The following RGSL1 variants were observed in gnomAD, a reference collection of about 807,000 sequenced individuals.
RGSL1 encodes the protein regulator of G protein signaling protein-like.
In RGSL1, 97 loss-of-function variants were observed where a neutral mutation model predicts 124.7. The ratio of observed to expected loss-of-function variants is 0.78; its 90% CI spans 0.66 to 0.92. The LOEUF is 0.92. Among genes scored for constraint, RGSL1 ranks in the 40% least tolerant of loss-of-function variants. RGSL1 has a pLI of 0.00. For missense variants in RGSL1, 1,233 were observed against 1,288.4 expected (o/e 0.96, Z 0.66); for synonymous variants, 424 against 438.1 (o/e 0.97, Z 0.40).
rs1659029455 is a variant in RGSL1 at position 182,529,796 on chromosome 1, T to TA, written c.2126-447dup. On this transcript the variant is annotated intron_variant, in intron 11 of 21. Transcript: ENST00000294854. ...AGAGTGTCCAGATCCTATCTTTGAT[T>TA]ATTTTCAAGTCTCATTAATGAACAC... Among the ~76,000 whole-genome samples, 6 of 152,258 alleles carry TA rather than the reference T, an allele frequency of 3.9e-5. No homozygotes were observed. In the South Asian group the frequency reaches 1.2e-3, roughly 32 times the overall value.
intron 9 of RGSL1, among the ~76,000 whole-genome samples, chr1:182,509,456 T>C (rs1571606804): frequency 2.6e-5 from 1 of 37,812 alleles, no homozygotes; most frequent in African/African-American, 1.3e-4. Flanking sequence ...CCCCCCCACC[T>C]CCCTCCCGGA....
At chr1:182,545,908 A>G (rs10911091) in intron 15 of RGSL1, among the ~76,000 whole-genome samples, 78,946 of 151,370 alleles carry the variant, frequency 0.52, 20,742 homozygotes, top group Non-Finnish European at 0.55. Flanking sequence ...TATTTGGGTC[A>G]AATTTATTTA....
chr1:182,554,082 C>T (rs1242981457), intron 19 of RGSL1, among the ~76,000 whole-genome samples: 2 of 152,198 alleles, frequency 1.3e-5, no homozygotes, highest in African/African-American at 4.8e-5. Flanking sequence ...AACCCCACTC[C>T]CACACTCTAA....
At chr1:182,479,695 G>A (rs1045219603) in intron 6 of RGSL1, among the ~76,000 whole-genome samples, 1 of 152,136 alleles carries the variant, frequency 6.6e-6, no homozygotes, top group Admixed American at 6.5e-5. Context: ...AAAAGACATT[G>A]AGTAGATGAA....
rs560550910 is a variant in RGSL1, at chr1:182,458,188, A to G, written c.97-131A>G. 3.0e-4 allele frequency: 196 copies of G among 645,292 alleles called. No homozygotes were observed. In the African/African-American group the frequency reaches 3.4e-3, roughly 11 times the overall value. The allele number at this position is 645,292 out of a possible 1,614,324, so 40.0% of individuals were successfully genotyped here. A position where few individuals can be genotyped will look rare whatever the true frequency, so the allele number is the denominator to read the frequency against. On this transcript the variant is annotated intron_variant, in intron 2 of 21. Coordinates refer to ENST00000294854, the MANE Select transcript of RGSL1 (RefSeq NM_001137669.2). ...AGGGCAAGTTGATGGAGTAGAATAA[A>G]TTTAAGAATTAGTGTCCCTTGAAAT...
At chr1:182,492,716 C>T (rs1655620340) in intron 8 of RGSL1, among the ~76,000 whole-genome samples, 3 of 151,764 alleles carry the variant, frequency 2.0e-5, no homozygotes, top group Admixed American at 6.6e-5. Context: ...ACAAGCTCCG[C>T]CTCCCAGGTT....
At chr1:182,556,857 T>C (rs1660896528) in intron 21 of RGSL1, among the ~76,000 whole-genome samples, 1 of 152,198 alleles carries the variant, frequency 6.6e-6, no homozygotes, top group Admixed American at 6.5e-5. Flanking sequence ...TGAGTCAGAA[T>C]TTCCTGAACA....
At chr1:182,475,846 A>T (rs1395610790) in intron 6 of RGSL1, among the ~76,000 whole-genome samples, 1 of 152,198 alleles carries the variant, frequency 6.6e-6, no homozygotes, top group Non-Finnish European at 1.5e-5. Context: ...AAAAAACATC[A>T]AATTATTTAG....
At position 182,466,931 on chromosome 1, in the gene RGSL1, C is replaced by T. The variant is rs553907637; in HGVS notation, c.302-5465C>T. Among the ~76,000 whole-genome samples, 8 of 152,236 alleles carry T rather than the reference C, an allele frequency of 5.3e-5. No homozygotes were observed. The East Asian group carries it at 1.5e-3, about 29-fold the overall frequency. The stretch of plus-strand genomic sequence containing the variant: ...TTCAAAACTTACTACAAGTTTACAG[C>T]AATCAACACAGTGTGGTGCAAGCAT... On this transcript the variant is annotated intron_variant, in intron 4 of 21. Transcript: ENST00000294854.
intron 4 of RGSL1, among the ~76,000 whole-genome samples, chr1:182,470,170 A>T (rs1653712411): frequency 6.6e-6 from 1 of 152,140 alleles, no homozygotes; most frequent in African/African-American, 2.4e-5. Context: ...ACGTTATGTT[A>T]TATGTACTCT....
intron 9 of RGSL1, among the ~76,000 whole-genome samples, chr1:182,504,472 C>CTTTTTTTT (rs60918424): frequency 1.7e-5 from 1 of 59,496 alleles, no homozygotes; most frequent in Non-Finnish European, 3.1e-5. Flanking sequence ...ATGAGCCATA[C>CTTTTTTTT]TTTTTTTTTT....
intron 4 of RGSL1, among the ~76,000 whole-genome samples, chr1:182,464,292 A>G (rs1653089585): frequency 6.6e-6 from 1 of 152,240 alleles, no homozygotes; most frequent in African/African-American, 2.4e-5. Context: ...AGAACAGCAA[A>G]TTAAACCCAG....
intron 9 of RGSL1, among the ~76,000 whole-genome samples, chr1:182,498,814 CAG>C (rs1440519725): frequency 7.2e-6 from 1 of 139,130 alleles, no homozygotes; most frequent in Non-Finnish European, 1.5e-5. Flanking sequence ...TTTTTTGAGA[CAG>C]AGTCTTGCTC....
At chr1:182,454,582 TTGTATGTGTG>T (rs1054636709) in intron 2 of RGSL1, among the ~76,000 whole-genome samples, 5 of 119,666 alleles carry the variant, frequency 4.2e-5, no homozygotes, top group South Asian at 5.7e-4. Context: ...CTCTCTTGAG[TTGTATGTGTG>T]TGTGTGTGTG....
intron 4 of RGSL1, among the ~76,000 whole-genome samples, chr1:182,466,342 T>G (rs1653329284): frequency 6.6e-6 from 1 of 151,868 alleles, no homozygotes; most frequent in Non-Finnish European, 1.5e-5. Context: ...GAAGGAAAAA[T>G]AAGAGACATC....
chr1:182,494,101 C>A (rs1287749362), intron 9 of RGSL1, among the ~76,000 whole-genome samples: 1 of 152,134 alleles, frequency 6.6e-6, no homozygotes. Context: ...TCTGGGATAC[C>A]TGAGCCCCCG....
At chr1:182,553,214 C>G (rs970789143) in intron 18 of RGSL1, among the ~76,000 whole-genome samples, 1 of 152,112 alleles carries the variant, frequency 6.6e-6, no homozygotes, top group Non-Finnish European at 1.5e-5. Context: ...AGCCTCATCA[C>G]CTTTTAAAGG....
chr1:182,556,646 T>G (rs1660881450), intron 21 of RGSL1, among the ~76,000 whole-genome samples: 1 of 152,226 alleles, frequency 6.6e-6, no homozygotes, highest in African/African-American at 2.4e-5. Context: ...TGATTTTTTG[T>G]CCTGTTCTTG....
chr1:182,525,587 T>C (rs1012365386), intron 10 of RGSL1, among the ~76,000 whole-genome samples: 1 of 152,206 alleles, frequency 6.6e-6, no homozygotes, highest in South Asian at 2.1e-4. Context: ...AATCAAACTG[T>C]TGAAATATAA....
Sources: gnomAD v4.1 joint callset for allele counts (sites outside exome capture counted in the v4.1 genomes callset) on GRCh38, gnomAD v4.1.1 for gene constraint, MANE v1.5 for transcripts, NCBI Gene and HGNC (gene_info 2026-07-23, HGNC 2026-07-21) for gene names.